TCERG1L: variants seen among roughly 807,000 people sequenced by gnomAD.
The protein encoded by TCERG1L is transcription elongation regulator 1 like, also known as transcription elongation regulator 1-like protein.
TCERG1L carries 37 observed loss-of-function variants against 56.3 expected under a neutral mutation model. The observed-to-expected ratio is 0.66, with a 90% CI of 0.51 to 0.87. The LOEUF (loss-of-function observed/expected upper bound fraction) is 0.87, where lower values mean the gene tolerates loss of function less well. Ranked by LOEUF, TCERG1L falls within the 40% of genes least tolerant of loss-of-function variation. The pLI, the probability that TCERG1L is intolerant of heterozygous loss-of-function variation, is 0.00. For missense variants in TCERG1L, 799 were observed against 774.2 expected (o/e 1.03, Z -0.38); for synonymous variants, 324 against 326.3 (o/e 0.99, Z 0.08).
At chr10:131,241,168 C>T (rs1845967174) in intron 4 of TCERG1L, among the ~76,000 whole-genome samples, 1 of 150,522 alleles carries the variant, frequency 6.6e-6, no homozygotes. Flanking sequence ...GGAGGAGCCG[C>T]CCGCACGCAG....
At chr10:131,280,995 G>A (rs1355919966) in intron 3 of TCERG1L, among the ~76,000 whole-genome samples, 2 of 152,188 alleles carry the variant, frequency 1.3e-5, no homozygotes, top group Non-Finnish European at 2.9e-5. Flanking sequence ...ACCTTTTAGA[G>A]TCAATCACAA....
chr10:131,274,407 T>C (rs970024099), intron 3 of TCERG1L, among the ~76,000 whole-genome samples: 2 of 152,210 alleles, frequency 1.3e-5, no homozygotes, highest in African/African-American at 4.8e-5. Flanking sequence ...AAAACTGAGA[T>C]CAGCCGACGT....
intron 4 of TCERG1L, among the ~76,000 whole-genome samples, chr10:131,221,883 A>C (rs2133499236): frequency 6.6e-6 from 1 of 152,304 alleles, no homozygotes; most frequent in African/African-American, 2.4e-5. Context: ...GCAAATGAGA[A>C]TCTGCGTGGG....
chr10:131,143,551 T>C (rs1845761215), intron 7 of TCERG1L, among the ~76,000 whole-genome samples: 1 of 151,614 alleles, frequency 6.6e-6, no homozygotes, highest in African/African-American at 2.4e-5. Context: ...CGGGCCAAGG[T>C]GGTGGGGCTA....
chr10:131,173,906 C>G (rs1212289436), intron 4 of TCERG1L, among the ~76,000 whole-genome samples: 2 of 152,218 alleles, frequency 1.3e-5, no homozygotes, highest in Non-Finnish European at 2.9e-5. Flanking sequence ...GCTACCTGGA[C>G]AGTCTCCCCC....
At chr10:131,231,099 G>C (rs1357260747) in intron 4 of TCERG1L, among the ~76,000 whole-genome samples, 4 of 152,274 alleles carry the variant, frequency 2.6e-5, no homozygotes, top group African/African-American at 9.6e-5. Flanking sequence ...ATGTTGGCCG[G>C]CCCGGCCTGG....
chr10:131,094,309 A>C (rs1331810173), intron 11 of TCERG1L, among the ~76,000 whole-genome samples: 1 of 152,180 alleles, frequency 6.6e-6, no homozygotes, highest in Non-Finnish European at 1.5e-5. Context: ...GTGCACGGAA[A>C]ATGTGGACAT....
chr10:131,236,914 C>T (rs1845919060), intron 4 of TCERG1L, among the ~76,000 whole-genome samples: 1 of 152,020 alleles, frequency 6.6e-6, no homozygotes, highest in African/African-American at 2.4e-5. Context: ...TCATCCTTTG[C>T]CCCAATGTCT....
chr10:131,168,302 T>TGCCCCACTGCAAACTGGG (rs1846053123), intron 4 of TCERG1L, among the ~76,000 whole-genome samples: 1 of 152,172 alleles, frequency 6.6e-6, no homozygotes, highest in Non-Finnish European at 1.5e-5. Flanking sequence ...CTTTCTTCCT[T>TGCCCCACTGCAAACTGGG]GCCCCACTGC....
chr10:131,300,828 G>A (rs185602249), intron 3 of TCERG1L, among the ~76,000 whole-genome samples: 10 of 150,810 alleles, frequency 6.6e-5, no homozygotes, highest in Admixed American at 2.6e-4. Flanking sequence ...AGATAAATAC[G>A]GTTTACTCCT....
intron 4 of TCERG1L, among the ~76,000 whole-genome samples, chr10:131,205,973 G>A (rs1267170047): frequency 6.6e-6 from 1 of 152,144 alleles, no homozygotes. Flanking sequence ...ATGAGCAGGG[G>A]TCCACGGGCA....
chr10:131,225,680 G>A (rs977261583), intron 4 of TCERG1L, among the ~76,000 whole-genome samples: 3 of 152,108 alleles, frequency 2.0e-5, no homozygotes, highest in Admixed American at 6.5e-5. Flanking sequence ...CACATGGAAC[G>A]CAGAATGAGA....
chr10:131,240,910 G>A (rs751079604), intron 4 of TCERG1L, among the ~76,000 whole-genome samples: 52 of 152,350 alleles, frequency 3.4e-4, no homozygotes, highest in Middle Eastern at 6.8e-3. Context: ...GGGCTGCAGC[G>A]GCATCAGGGC....
intron 4 of TCERG1L, among the ~76,000 whole-genome samples, chr10:131,219,868 G>A (rs1163485743): frequency 6.6e-6 from 1 of 152,210 alleles, no homozygotes; most frequent in Non-Finnish European, 1.5e-5. Context: ...ATGCTGGAGT[G>A]AGGCTGTAGT....
chr10:131,160,130 TG>T (rs1845961885), intron 6 of TCERG1L, among the ~76,000 whole-genome samples: 1 of 152,200 alleles, frequency 6.6e-6, no homozygotes, highest in African/African-American at 2.4e-5. Flanking sequence ...TCAAGCAGTG[TG>T]CTCCCAGCGT....
At chr10:131,149,281 G>A (rs1414014820) in intron 6 of TCERG1L, among the ~76,000 whole-genome samples, 2 of 114,500 alleles carry the variant, frequency 1.7e-5, no homozygotes, top group African/African-American at 5.2e-5. Context: ...GCTGGAGGCT[G>A]GAAAATGAGG....
At chr10:131,261,595 A>G (rs946181490) in intron 3 of TCERG1L, among the ~76,000 whole-genome samples, 1 of 152,254 alleles carries the variant, frequency 6.6e-6, no homozygotes, top group African/African-American at 2.4e-5. Context: ...GCTAAAAATC[A>G]TATAGGTTCC....
intron 6 of TCERG1L, among the ~76,000 whole-genome samples, chr10:131,151,036 A>T (rs1294654268): frequency 6.6e-6 from 1 of 152,190 alleles, no homozygotes; most frequent in Non-Finnish European, 1.5e-5. Flanking sequence ...TCCGTGATTC[A>T]ATTACCTCCA....
intron 4 of TCERG1L, among the ~76,000 whole-genome samples, chr10:131,203,457 C>T (rs1845468604): frequency 6.6e-6 from 1 of 152,192 alleles, no homozygotes; most frequent in Non-Finnish European, 1.5e-5. Context: ...TCTGGTAGAA[C>T]ATCCAAGCTG....
Sources: gnomAD v4.1 joint callset for allele counts (sites outside exome capture counted in the v4.1 genomes callset) on GRCh38, gnomAD v4.1.1 for gene constraint, MANE v1.5 for transcripts, NCBI Gene and HGNC (gene_info 2026-07-23, HGNC 2026-07-21) for gene names.